Variants in PDE10A observed in about 807,000 individuals in gnomAD.
PDE10A encodes cAMP and cAMP-inhibited cGMP 3',5'-cyclic phosphodiesterase 10A.
A neutral mutation model predicts 97.7 loss-of-function variants in PDE10A; 39 were observed. The observed-to-expected ratio is 0.40, with a 90% confidence interval of 0.31 to 0.52. The LOEUF is 0.52. Ranked by LOEUF, PDE10A falls within the 20% of genes least tolerant of loss-of-function variation. The pLI is 0.56. For missense variants in PDE10A, 731 were observed against 1,047.8 expected, an observed-to-expected ratio of 0.70 and a Z score of 4.17; for synonymous variants, 371 against 376.8, an observed-to-expected ratio of 0.98 and a Z score of 0.18.
intron 1 of PDE10A, among the ~76,000 whole-genome samples, chr6:165,732,998 T>G (rs2128451450): frequency 6.6e-6 from 1 of 152,346 alleles, no homozygotes; most frequent in African/African-American, 2.4e-5. Context: ...GGGATGCCAG[T>G]TGCCTGTCTG....
intron 1 of PDE10A, among the ~76,000 whole-genome samples, chr6:165,648,004 A>C (rs192120725): frequency 2.7e-3 from 410 of 152,160 alleles, no homozygotes; most frequent in Admixed American, 4.3e-3. Context: ...AGGCACACAC[A>C]CATTTGTTTT....
At chr6:165,384,367 C>T (rs552738577) in intron 17 of PDE10A, among the ~76,000 whole-genome samples, 2 of 152,162 alleles carry the variant, frequency 1.3e-5, no homozygotes, top group Admixed American at 6.5e-5. Context: ...GCGACGGGCC[C>T]CAAACACCAT....
chr6:165,968,895 C>T (rs1277298508), intron 1 of PDE10A, among the ~76,000 whole-genome samples: 2 of 152,176 alleles, frequency 1.3e-5, no homozygotes, highest in Non-Finnish European at 2.9e-5. Context: ...ACCCTGTGGT[C>T]AATGGGAATC....
At chr6:165,461,445 G>A (rs530834323) in intron 3 of PDE10A, among the ~76,000 whole-genome samples, 39 of 152,236 alleles carry the variant, frequency 2.6e-4, no homozygotes, top group African/African-American at 8.4e-4. Flanking sequence ...TTTTCCAGAC[G>A]CCCTATACTT....
At chr6:165,986,783 G>T (rs1265692615) in intron 1 of PDE10A, among the ~76,000 whole-genome samples, 1 of 151,874 alleles carries the variant, frequency 6.6e-6, no homozygotes, top group Non-Finnish European at 1.5e-5. Context: ...TGGCTTGGGG[G>T]GAGGGGGGAC....
chr6:165,496,206 C>A (rs1003323005), intron 2 of PDE10A, among the ~76,000 whole-genome samples: 2 of 152,086 alleles, frequency 1.3e-5, no homozygotes, highest in Admixed American at 6.5e-5. Flanking sequence ...GAAGATGACC[C>A]CCTTATTTCC....
chr6:165,426,805 G>A (rs371621774), intron 10 of PDE10A, among the ~76,000 whole-genome samples: 1 of 152,058 alleles, frequency 6.6e-6, no homozygotes, highest in African/African-American at 2.4e-5. Flanking sequence ...ATTAAAAAGT[G>A]GTCTATGGCT....
intron 1 of PDE10A, among the ~76,000 whole-genome samples, chr6:165,854,046 CA>C (rs887615630): frequency 1.4e-4 from 21 of 152,200 alleles, no homozygotes; most frequent in Admixed American, 1.2e-3. Flanking sequence ...TGGTGGTGAG[CA>C]GGCTGCGCTG....
At chr6:165,541,331 G>A (rs947887074) in intron 2 of PDE10A, among the ~76,000 whole-genome samples, 6 of 152,014 alleles carry the variant, frequency 3.9e-5, no homozygotes, top group Admixed American at 1.3e-4. Context: ...AAAAAGTTAA[G>A]TGAGGAGGAG....
At chr6:165,697,151 G>C (rs1257494260) in intron 1 of PDE10A, among the ~76,000 whole-genome samples, 2 of 152,208 alleles carry the variant, frequency 1.3e-5, no homozygotes, top group East Asian at 3.9e-4. Context: ...ACTGAAAAAT[G>C]GTAACCATCC....
intron 18 of PDE10A, among the ~76,000 whole-genome samples, chr6:165,364,545 T>C (rs559458568): frequency 6.6e-6 from 1 of 152,312 alleles, no homozygotes; most frequent in South Asian, 2.1e-4. Flanking sequence ...AACACATTGA[T>C]TTCTATGCCT....
At chr6:165,505,737 C>A (rs1415916816) in intron 2 of PDE10A, among the ~76,000 whole-genome samples, 1 of 152,100 alleles carries the variant, frequency 6.6e-6, no homozygotes, top group East Asian at 1.9e-4. Context: ...GAGCTTCTCT[C>A]AGAGAAAACA....
chr6:165,707,890 G>T (rs915832326), intron 1 of PDE10A, among the ~76,000 whole-genome samples: 3 of 152,074 alleles, frequency 2.0e-5, no homozygotes, highest in African/African-American at 7.2e-5. Flanking sequence ...TGAACACAAA[G>T]GGGCAGAGTT....
intron 1 of PDE10A, among the ~76,000 whole-genome samples, chr6:165,841,111 C>G (rs1266852372): frequency 2.6e-5 from 4 of 152,228 alleles, no homozygotes; most frequent in Non-Finnish European, 4.4e-5. Context: ...AATTTAAGGA[C>G]TTTGAATGGT....
At chr6:165,714,246 C>T (rs549097961) in intron 1 of PDE10A, among the ~76,000 whole-genome samples, 53 of 152,216 alleles carry the variant, frequency 3.5e-4, no homozygotes, top group East Asian at 1.9e-4. Flanking sequence ...TTCCTACTGA[C>T]GCCCACCCTT....
chr6:165,383,693 C>T (rs1050929648), intron 17 of PDE10A, among the ~76,000 whole-genome samples: 3 of 152,148 alleles, frequency 2.0e-5, no homozygotes, highest in East Asian at 3.9e-4. Flanking sequence ...AGTGACTCTC[C>T]TCATCAGCTT....
chr6:165,855,276 A>G (rs1583194481), intron 1 of PDE10A, among the ~76,000 whole-genome samples: 1 of 94,700 alleles, frequency 1.1e-5, no homozygotes, highest in Admixed American at 1.2e-4. Flanking sequence ...CCAGCCTTCG[A>G]GGGGACTCAT....
intron 1 of PDE10A, among the ~76,000 whole-genome samples, chr6:165,745,912 G>GGT (rs1313389385): frequency 6.6e-6 from 1 of 152,154 alleles, no homozygotes; most frequent in Non-Finnish European, 1.5e-5. Context: ...ACACGATTGG[G>GGT]GTGTGTGTCA....
At chr6:165,679,071 A>T (rs1254782364) in intron 1 of PDE10A, among the ~76,000 whole-genome samples, 1 of 152,220 alleles carries the variant, frequency 6.6e-6, no homozygotes, top group African/African-American at 2.4e-5. Flanking sequence ...AGAGACATTT[A>T]AAGTACTCAA....
Sources: allele counts gnomAD v4.1 joint callset (sites outside exome capture counted in the v4.1 genomes callset), GRCh38; gene constraint gnomAD v4.1.1; transcripts MANE v1.5; gene names NCBI Gene and HGNC (gene_info 2026-07-23, HGNC 2026-07-21).